Variants in CACNA1A observed in about 807,000 individuals in gnomAD.
CACNA1A encodes voltage-dependent P/Q-type calcium channel subunit alpha-1A.
A neutral mutation model predicts 262.4 loss-of-function variants in CACNA1A; 57 were observed. The ratio of observed to expected loss-of-function variants is 0.22; its 90% confidence interval spans 0.18 to 0.27. The LOEUF is 0.27. Among genes scored for constraint, CACNA1A ranks in the 10% least tolerant of loss-of-function variants. The probability of loss-of-function intolerance (pLI) is 1.00; values close to 1 mark genes in which losing one functional copy is unlikely to be tolerated. For missense variants in CACNA1A, 2,526 were observed against 3,562.8 expected, an observed-to-expected ratio of 0.71 and a Z score of 7.41; for synonymous variants, 1,431 against 1,419.3, an observed-to-expected ratio of 1.01 and a Z score of -0.18.
intron 4 of CACNA1A, among the ~76,000 whole-genome samples, chr19:13,368,567 A>G (rs1272775208): frequency 6.6e-6 from 1 of 152,144 alleles, no homozygotes; most frequent in Non-Finnish European, 1.5e-5. Context: ...GTTTGTAACC[A>G]CTATGGTATC....
At chr19:13,449,790 G>A (rs775349348) in intron 3 of CACNA1A, among the ~76,000 whole-genome samples, 1 of 152,194 alleles carries the variant, frequency 6.6e-6, no homozygotes, top group Non-Finnish European at 1.5e-5. Flanking sequence ...GCCCCTGGAT[G>A]GGGGAGAGAA....
rs917724390 is a variant in CACNA1A at position 13,295,463 on chromosome 19, CTTGTTTGT to C, written c.3089+3073_3089+3080del. On this transcript the variant is annotated intron_variant, in intron 19 of 46. Transcript: ENST00000360228. The stretch of plus-strand genomic sequence containing the variant: ...TGTAATTACCTGTGCTTTTAGTTTG[CTTGTTTGT>C]TTGGGTTTTTTCTTTCTTTCTTTCT... Among the ~76,000 whole-genome samples, 4 of 150,388 alleles carry C rather than the reference CTTGTTTGT, an allele frequency of 2.7e-5. No individual in the cohort carries two copies. The South Asian group carries it at 6.3e-4, about 24-fold the overall frequency.
intron 38 of CACNA1A, among the ~76,000 whole-genome samples, chr19:13,221,249 T>TCTTTCTTTCTC (rs1197075563): frequency 1.2e-5 from 1 of 80,636 alleles, no homozygotes; most frequent in Admixed American, 1.4e-4. Flanking sequence ...TTTTTTTTTT[T>TCTTTCTTTCTC]TTGAGACAGA....
chr19:13,207,321 A>T lies in CACNA1A; in HGVS notation c.7513T>A (p.Trp2505Arg). The T allele has an allele frequency of 6.4e-7, 1 of 1,559,270 alleles. No individual in the cohort carries two copies. Among genetic ancestry groups the T allele is most frequent in the Non-Finnish European group, 8.6e-7 (1 of 1,160,044 alleles). ...HEPYSESDDD[W>R]C ...CGCCACCTCGCCCGGGCTTAGCACCAATCATCGTCACTCTCGCTGTAGGGT... is the reference window on the plus strand; with the variant it reads ...CGCCACCTCGCCCGGGCTTAGCACCTATCATCGTCACTCTCGCTGTAGGGT... The change falls in exon 47 of 47, where the codon TGG becomes AGG. Residue 2505 changes from tryptophan to arginine, a missense_variant. Physicochemically the swap from Trp to Arg is moderately radical, Grantham distance 101. This residue lies in a region of CACNA1A where 929 missense variants were observed against 868.1 expected (regional missense o/e 1.07). Transcript: ENST00000360228. This position sits in a 1 kb window ranked among gnomAD's most constrained non-coding sequence, Gnocchi z 5.7.
At chr19:13,372,786 C>T (rs1248041246) in intron 3 of CACNA1A, among the ~76,000 whole-genome samples, 1 of 152,170 alleles carries the variant, frequency 6.6e-6, no homozygotes, top group Non-Finnish European at 1.5e-5. Flanking sequence ...CTTGTGTGGA[C>T]CAGCCAGCAT....
chr19:13,277,394 C>G (rs887567458), intron 22 of CACNA1A: 38 of 324,786 alleles, frequency 1.2e-4, no homozygotes, highest in African/African-American at 7.2e-4. Flanking sequence ...AGTTCGCTAA[C>G]CCACGGGAAG....
At chr19:13,272,275 A>G (rs1364506993) in intron 24 of CACNA1A, 1 of 152,232 alleles carries the variant, frequency 6.6e-6, no homozygotes, top group Non-Finnish European at 1.5e-5. Flanking sequence ...GGACAGGTGG[A>G]TATGAGTGAC....
At chr19:13,224,358 G>A (rs1346087682) in intron 38 of CACNA1A, among the ~76,000 whole-genome samples, 1 of 151,316 alleles carries the variant, frequency 6.6e-6, no homozygotes, top group African/African-American at 2.4e-5. Flanking sequence ...ATGGTGGTGT[G>A]TGCCTGTAGT....
chr19:13,327,535 T>A (rs932445968), intron 10 of CACNA1A, among the ~76,000 whole-genome samples: 29 of 147,514 alleles, frequency 2.0e-4, no homozygotes, highest in African/African-American at 6.9e-4. Context: ...AAAAAAAAAA[T>A]TAAAAAAATT....
Position 13,207,999 on chromosome 19 carries a change from G to C in CACNA1A, c.6835C>G (p.Pro2279Ala). ...GGGAGCTGGCGGCGGCCCCGCCGCG[G>C]AGTGCTGGTACCAGATGTTGAGGGG... is the stretch of plus-strand genomic sequence containing the variant. ...PAPSTSGTST[P>A]RRGRRQLPQT... Residue 2279 changes from proline to alanine, a missense_variant, in exon 47 of 47, where the codon CCG (proline) becomes GCG (alanine). Pro to Ala is a conservative substitution (Grantham distance 27). Around this residue, in one of 17 missense-constraint regions of CACNA1A, gnomAD observed 929 missense variants for 868.1 expected, o/e 1.07. Transcript: ENST00000360228. This position sits in a 1 kb window ranked among gnomAD's most constrained non-coding sequence, Gnocchi z 5.7. The C allele has an allele frequency of 7.5e-7, 1 of 1,335,102 alleles. No individual in the cohort carries two copies. Among genetic ancestry groups the C allele is most frequent in the South Asian group, 2.1e-5 (1 of 48,630 alleles). The allele number at this position is 1,335,102 out of a possible 1,614,324, so 82.7% of individuals were successfully genotyped here. A position where few individuals can be genotyped will look rare whatever the true frequency, so the allele number is the denominator to read the frequency against.
chr19:13,456,795 T>G (rs751655197), intron 1 of CACNA1A, among the ~76,000 whole-genome samples: 3 of 152,188 alleles, frequency 2.0e-5, no homozygotes, highest in Non-Finnish European at 4.4e-5. Flanking sequence ...ATGGCCAATA[T>G]GTACATGAGG....
In CACNA1A at chr19:13,298,989, G is replaced by A. The variant is rs770618033; in HGVS notation, c.2644C>T (p.Pro882Ser). 1.3e-5 allele frequency: 20 copies of A among 1,579,372 alleles called. No homozygotes were observed. Among genetic ancestry groups the A allele is most frequent in the Middle Eastern group, 1.7e-4 (1 of 5,882 alleles). The change falls in exon 19 of 47, where the codon CCC becomes TCC. Residue 882 changes from proline to serine, a missense_variant. Pro to Ser is a moderately conservative substitution (Grantham distance 74). Transcript: ENST00000360228. ...TCGGCCTCCTGGCTTCCCGCCCAGG[G>A]CCTCCGTGCGTCCAGGCCCGCCGAG... ...SGSAGLDARR[P>S]WAGSQEAELS...
At chr19:13,376,662 ATAT>A (rs2059411731) in intron 3 of CACNA1A, among the ~76,000 whole-genome samples, 1 of 146,482 alleles carries the variant, frequency 6.8e-6, no homozygotes, top group African/African-American at 2.5e-5. Context: ...TACACATAAT[ATAT>A]GTTATATATG....
Position 13,214,333 on chromosome 19 carries a change from G to A in CACNA1A, c.5840C>T (p.Ser1947Phe). ...GATCTTCCCCACGGTGAGGTCCGTG[G>A]CTGGGGGCACACACACGGTGAGCTC... ...TLDLLVTPHKSTDLTVGKIYA... is the reference protein window; with the variant it reads ...TLDLLVTPHKFTDLTVGKIYA... Residue 1947 changes from serine (S) to phenylalanine (F), a missense_variant and splice_region_variant, in exon 40 of 47, where the codon TCC becomes TTC. Physicochemically the swap from Ser to Phe is radical, Grantham distance 155. Coordinates refer to ENST00000360228, the MANE Select transcript of CACNA1A (RefSeq NM_001127222.2). The surrounding 1 kb of genome is among the most constrained non-coding windows in gnomAD (Gnocchi z 4.1). The A allele has an allele frequency of 6.2e-7, 1 of 1,612,452 alleles. No individual in the cohort carries two copies. The highest frequency in any genetic ancestry group is 8.5e-7 in the Non-Finnish European group (1 of 1,179,682).
intron 4 of CACNA1A, among the ~76,000 whole-genome samples, chr19:13,369,458 C>T (rs1242005819): frequency 6.6e-6 from 1 of 152,216 alleles, no homozygotes; most frequent in Admixed American, 6.5e-5. Flanking sequence ...AAAGCAGGTG[C>T]ATCTGAACAC....
At chr19:13,469,187 T>C (rs535881888) in intron 1 of CACNA1A, among the ~76,000 whole-genome samples, 1 of 152,234 alleles carries the variant, frequency 6.6e-6, no homozygotes, top group South Asian at 2.1e-4. Flanking sequence ...AAGTCAGAGG[T>C]AGCACCAGCA....
chr19:13,262,468 C>A (rs1464808486), intron 25 of CACNA1A: 2 of 398,308 alleles, frequency 5.0e-6, no homozygotes, highest in Non-Finnish European at 9.2e-6. Flanking sequence ...CCATATGATG[C>A]CTTCATGCGA....
intron 1 of CACNA1A, among the ~76,000 whole-genome samples, chr19:13,457,952 C>T (rs1432924383): frequency 6.6e-6 from 1 of 151,626 alleles, no homozygotes; most frequent in African/African-American, 2.4e-5. Context: ...ACATAAAATA[C>T]CCCATATTGT....
Position 13,348,604 on chromosome 19 carries a change from A to G in CACNA1A, c.978+11002T>C, listed in dbSNP as rs368408383. ...TGTAATCCCGGCACTTTGGGAGGCCAAGGCGGGCGAATCATGAGCTCAGGA... is the reference window on the plus strand; with the variant it reads ...TGTAATCCCGGCACTTTGGGAGGCCGAGGCGGGCGAATCATGAGCTCAGGA... On this transcript the variant is annotated intron_variant, in intron 6 of 46. Coordinates refer to ENST00000360228, the MANE Select transcript of CACNA1A (RefSeq NM_001127222.2). Among the ~76,000 whole-genome samples the G allele has an allele frequency of 2.2e-4, 34 of 152,292 alleles. No homozygotes were observed. The South Asian group carries it at 4.1e-3, about 19-fold the overall frequency.
Sources: allele counts gnomAD v4.1 joint callset (sites outside exome capture counted in the v4.1 genomes callset), GRCh38; gene constraint gnomAD v4.1.1; regional missense constraint gnomAD v4.1.1; non-coding constraint Gnocchi (gnomAD v3.1); transcripts MANE v1.5; gene names NCBI Gene and HGNC (gene_info 2026-07-23, HGNC 2026-07-21).